The following GALNT17 variants were observed in gnomAD, a reference collection of about 807,000 sequenced individuals.
The protein encoded by GALNT17 is UDP-GalNAc:polypeptide N-acetylgalactosaminyltransferase-like 3.
A neutral mutation model predicts 63.7 loss-of-function variants in GALNT17; 29 were observed. The observed-to-expected ratio is 0.46, with a 90% CI of 0.34 to 0.62. GALNT17 has a LOEUF of 0.62. Ranked by LOEUF, GALNT17 falls within the 20% of genes least tolerant of loss-of-function variation. GALNT17 has a pLI of 0.01. For synonymous variants in GALNT17, 305 were observed against 318.3 expected, an observed-to-expected ratio of 0.96 and a Z score of 0.45; for missense variants, 603 against 799.6, an observed-to-expected ratio of 0.75 and a Z score of 2.97.
At position 71,238,278 on chromosome 7, in the gene GALNT17, G is replaced by A. The variant is rs1398527474; in HGVS notation, c.239-97272G>A. 3.9e-5 allele frequency among the ~76,000 whole-genome samples: 6 copies of A among 152,300 alleles called. No homozygotes were observed. In the East Asian group the frequency reaches 1.2e-3, roughly 29 times the overall value. On this transcript the variant is annotated intron_variant, in intron 1 of 10. Transcript: ENST00000333538. ...GGCATGGAGGGGACTCTGGTTCCAG[G>A]GTGGGAGGCAGGGAAGGTGAGGGGT...
At chr7:71,279,373 A>G (rs1330408983) in intron 1 of GALNT17, among the ~76,000 whole-genome samples, 1 of 152,062 alleles carries the variant, frequency 6.6e-6, no homozygotes, top group Non-Finnish European at 1.5e-5. Context: ...AACTGCCCCC[A>G]TGATTCAGTT....
At chr7:71,422,448 C>T (rs1188629736) in intron 5 of GALNT17, among the ~76,000 whole-genome samples, 1 of 152,216 alleles carries the variant, frequency 6.6e-6, no homozygotes, top group Non-Finnish European at 1.5e-5. Flanking sequence ...TTCACAAGTT[C>T]CTAATCTCTG....
At chr7:71,701,881 G>GTGTATGTA (rs1554326593) in intron 9 of GALNT17, among the ~76,000 whole-genome samples, 1 of 90,058 alleles carries the variant, frequency 1.1e-5, no homozygotes, top group African/African-American at 4.4e-5. Flanking sequence ...ATATATATAT[G>GTGTATGTA]TATATATATA....
At chr7:71,350,361 T>G (rs1176833870) in intron 2 of GALNT17, among the ~76,000 whole-genome samples, 1 of 152,048 alleles carries the variant, frequency 6.6e-6, no homozygotes, top group Admixed American at 6.6e-5. Flanking sequence ...GATGATAAAC[T>G]GGGAAAAATA....
chr7:71,437,426 C>G (rs551315351), intron 5 of GALNT17, among the ~76,000 whole-genome samples: 1 of 152,184 alleles, frequency 6.6e-6, no homozygotes, highest in Admixed American at 6.5e-5. Flanking sequence ...AGAATGCCTA[C>G]GAACCATCAC....
chr7:71,138,083 A>G (rs776358765), intron 1 of GALNT17, among the ~76,000 whole-genome samples: 21 of 151,980 alleles, frequency 1.4e-4, no homozygotes, highest in Non-Finnish European at 1.3e-4. Context: ...ACATTGGCTC[A>G]TGCCTGTAAT....
intron 6 of GALNT17, among the ~76,000 whole-genome samples, chr7:71,577,980 T>G (rs1213499293): frequency 6.6e-6 from 1 of 152,050 alleles, no homozygotes; most frequent in Non-Finnish European, 1.5e-5. Flanking sequence ...TTTTGAAGGC[T>G]TGCTCCTTCG....
At chr7:71,210,846 A>G (rs1032102055) in intron 1 of GALNT17, among the ~76,000 whole-genome samples, 3 of 152,208 alleles carry the variant, frequency 2.0e-5, no homozygotes, top group Non-Finnish European at 4.4e-5. Flanking sequence ...CAGGTGATGG[A>G]CATGTAGTAC....
intron 5 of GALNT17, among the ~76,000 whole-genome samples, chr7:71,565,420 TCCTTTCCTCTCC>T (rs1266444786): frequency 6.6e-6 from 1 of 152,034 alleles, no homozygotes; most frequent in Non-Finnish European, 1.5e-5. Flanking sequence ...CTTTCCTCTC[TCCTTTCCTCTCC>T]CCTTCTCTAC....
chr7:71,183,355 T>G (rs1364147793), intron 1 of GALNT17, among the ~76,000 whole-genome samples: 1 of 152,084 alleles, frequency 6.6e-6, no homozygotes, highest in Non-Finnish European at 1.5e-5. Context: ...TGGCCTGGTG[T>G]GCTATTTGGA....
intron 1 of GALNT17, among the ~76,000 whole-genome samples, chr7:71,208,413 A>T (rs1789313545): frequency 6.7e-6 from 1 of 149,566 alleles, no homozygotes; most frequent in African/African-American, 2.5e-5. Flanking sequence ...TTTATGGCAT[A>T]GCCTTTATAT....
At chr7:71,214,287 C>T (rs535962342) in intron 1 of GALNT17, among the ~76,000 whole-genome samples, 8 of 152,236 alleles carry the variant, frequency 5.3e-5, no homozygotes, top group East Asian at 1.9e-4. Context: ...CTTTTCTGGA[C>T]GAAGAGTACC....
At chr7:71,348,129 T>C (rs1019594209) in intron 2 of GALNT17, among the ~76,000 whole-genome samples, 3 of 152,002 alleles carry the variant, frequency 2.0e-5, no homozygotes, top group African/African-American at 7.2e-5. Flanking sequence ...AGCGTGGTGG[T>C]GGGTGCCTGT....
At chr7:71,391,316 A>G (rs1334265634) in intron 3 of GALNT17, among the ~76,000 whole-genome samples, 1 of 152,186 alleles carries the variant, frequency 6.6e-6, no homozygotes, top group Non-Finnish European at 1.5e-5. Flanking sequence ...AGCCCAGCCC[A>G]GGAGGAGGAA....
At chr7:71,377,798 G>C (rs1283203498) in intron 2 of GALNT17, among the ~76,000 whole-genome samples, 2 of 152,122 alleles carry the variant, frequency 1.3e-5, no homozygotes, top group Non-Finnish European at 2.9e-5. Flanking sequence ...TCTCAGATCT[G>C]ATGGTTTTAT....
intron 1 of GALNT17, among the ~76,000 whole-genome samples, chr7:71,246,210 C>A (rs995308698): frequency 6.7e-6 from 1 of 148,898 alleles, no homozygotes; most frequent in Non-Finnish European, 1.5e-5. Context: ...CAACCTCCAC[C>A]TCCTGGACTC....
At chr7:71,223,126 T>C (rs1311331673) in intron 1 of GALNT17, among the ~76,000 whole-genome samples, 1 of 152,204 alleles carries the variant, frequency 6.6e-6, no homozygotes, top group African/African-American at 2.4e-5. Flanking sequence ...AAAGTTACAG[T>C]GGAGTGTAGA....
rs568732011 is a variant in GALNT17 at position 71,505,934 on chromosome 7, G to A, written c.963-65351G>A. On this transcript the variant is annotated intron_variant, in intron 5 of 10. Transcript: ENST00000333538. ...TCCATAATAAGCTTCATATACACTTGAGATTCAGAAGCCACAGGCCCCATT... is the reference window on the plus strand; with the variant it reads ...TCCATAATAAGCTTCATATACACTTAAGATTCAGAAGCCACAGGCCCCATT... 3.3e-5 allele frequency among the ~76,000 whole-genome samples: 5 copies of A among 152,250 alleles called. No individual in the cohort carries two copies. The East Asian group carries it at 9.7e-4, about 29-fold the overall frequency.
At chr7:71,688,198 C>T (rs1012232574) in intron 9 of GALNT17, among the ~76,000 whole-genome samples, 5 of 152,300 alleles carry the variant, frequency 3.3e-5, no homozygotes, top group African/African-American at 1.2e-4. Context: ...CAATGCAACA[C>T]TTATAAATTC....
Sources: gnomAD v4.1 joint callset for allele counts (sites outside exome capture counted in the v4.1 genomes callset) on GRCh38, gnomAD v4.1.1 for gene constraint, MANE v1.5 for transcripts, NCBI Gene and HGNC (gene_info 2026-07-23, HGNC 2026-07-21) for gene names.